C18orf54: variants seen among roughly 807,000 people sequenced by gnomAD.
The protein encoded by C18orf54 is lung adenoma susceptibility protein 2.
Under a neutral mutation model 49.3 loss-of-function variants are expected in C18orf54, and 49 were observed. The observed-to-expected ratio is 0.99, with a 90% CI of 0.79 to 1.26. The LOEUF is 1.26. C18orf54 is among the 50% of genes most tolerant of loss of function. C18orf54 has a pLI of 0.00. For synonymous variants in C18orf54, 211 were observed against 216.6 expected, an observed-to-expected ratio of 0.97 and a Z score of 0.23; for missense variants, 687 against 620.6, an observed-to-expected ratio of 1.11 and a Z score of -1.14.
chr18:54,361,319 C>T (rs1165802161), intron 3 of C18orf54, among the ~76,000 whole-genome samples: 1 of 152,018 alleles, frequency 6.6e-6, no homozygotes, highest in African/African-American at 2.4e-5. Flanking sequence ...ATGCTGCAAC[C>T]AATATTGAGT....
Position 54,361,691 on chromosome 18 carries a change from G to A in C18orf54, c.332G>A (p.Arg111Lys). ...HKKHSNFISC[R>K]RHTVNDIDSM... ...AAGCACTCAAACTTCATATCCTGTA[G>A]AAGACACACCGTTAATGACATAGAC... The change falls in exon 4 of 9, where the codon AGA (arginine) becomes AAA (lysine). Residue 111 changes from arginine (R) to lysine (K), a missense_variant. Coordinates refer to ENST00000620105, the MANE Select transcript of C18orf54 (RefSeq NM_001288980.2). 6.2e-7 allele frequency: 1 copy of A among 1,612,688 alleles called. No homozygotes were observed. The highest frequency in any genetic ancestry group is 1.1e-5 in the South Asian group (1 of 90,570).
Position 54,381,011 on chromosome 18 carries a change from G to C in C18orf54, c.*2765G>C, listed in dbSNP as rs192137614. ...GAGCACTTGAAGTTTCTTCAAATGTGCAAGACTGTGTGTCTTCCTATTAGA... is the reference window on the plus strand; with the variant it reads ...GAGCACTTGAAGTTTCTTCAAATGTCCAAGACTGTGTGTCTTCCTATTAGA... On this transcript the variant is annotated 3_prime_UTR_variant, in exon 9 of 9. Transcript: ENST00000620105. 17 of 152,210 alleles carry C rather than the reference G, an allele frequency of 1.1e-4. No individual in the cohort carries two copies. The highest frequency in any genetic ancestry group is 2.2e-4 in the African/African-American group (9 of 41,558). 9.4% of individuals were successfully genotyped at this position (152,210 alleles called of 1,614,324 possible).
rs753954652 is a variant in C18orf54 at position 54,362,048 on chromosome 18, AAC to A, written c.693_694del (p.His231GlnfsTer3). 1 of 1,568,194 alleles carries A rather than the reference AAC, an allele frequency of 6.4e-7. No homozygotes were observed. The highest frequency in any genetic ancestry group is 8.6e-7 in the Non-Finnish European group (1 of 1,157,448). On this transcript the variant is annotated frameshift_variant, in exon 4 of 9. Coordinates refer to ENST00000620105, the MANE Select transcript of C18orf54 (RefSeq NM_001288980.2). LOFTEE classifies it high-confidence loss of function. The stretch of plus-strand genomic sequence containing the variant: ...AAATCGTCTTTCAAGGACAGTTCAG[AAC>A]ACAGTCTTGAAAAGAATTACCCAAG...
At chr18:54,367,196 T>G (rs955362844) in intron 6 of C18orf54, among the ~76,000 whole-genome samples, 2 of 152,164 alleles carry the variant, frequency 1.3e-5, no homozygotes, top group Non-Finnish European at 2.9e-5. Flanking sequence ...TCCTGTCATT[T>G]TGTTTACTGT....
chr18:54,372,349 C>T (rs1410719631), intron 6 of C18orf54, 117 bp from the exon 7 acceptor site: 1 of 991,992 alleles, frequency 1.0e-6, no homozygotes, highest in East Asian at 2.8e-5. Flanking sequence ...ACTTTATTGA[C>T]ATACATTGTT....
intron 5 of C18orf54, among the ~76,000 whole-genome samples, 190 bp from the exon 6 acceptor site, chr18:54,365,529 G>T (rs1159556595): frequency 1.3e-5 from 2 of 151,776 alleles, no homozygotes; most frequent in African/African-American, 4.8e-5. Flanking sequence ...GATAAGAAGG[G>T]GTTGGATTCT....
At chr18:54,377,015 G>GT (rs34791747) in intron 8 of C18orf54, among the ~76,000 whole-genome samples, 111,566 of 150,310 alleles carry the variant, frequency 0.74, 41,821 homozygotes, top group African/African-American at 0.86. Flanking sequence ...CACAGCTTAT[G>GT]TTTTTTTTTT....
intron 6 of C18orf54, among the ~76,000 whole-genome samples, chr18:54,367,206 T>C (rs929710980): frequency 6.6e-6 from 1 of 152,170 alleles, no homozygotes; most frequent in Non-Finnish European, 1.5e-5. Flanking sequence ...TTGTTTACTG[T>C]ACTCTGGTCA....
chr18:54,378,003 A>T (rs551773905), intron 8 of C18orf54, among the ~76,000 whole-genome samples, 171 bp from the exon 9 acceptor site: 1 of 152,188 alleles, frequency 6.6e-6, no homozygotes, highest in African/African-American at 2.4e-5. Context: ...TTAACCCTCA[A>T]TTATTCAGAT....
At chr18:54,369,169 T>C (rs1734627802) in intron 6 of C18orf54, among the ~76,000 whole-genome samples, 3 of 152,180 alleles carry the variant, frequency 2.0e-5, no homozygotes, top group Non-Finnish European at 4.4e-5. Flanking sequence ...CATATGTACA[T>C]TTCTTTATCT....
intron 8 of C18orf54, among the ~76,000 whole-genome samples, chr18:54,374,749 T>G (rs2089542707): frequency 6.6e-6 from 1 of 151,860 alleles, no homozygotes; most frequent in South Asian, 2.1e-4. Flanking sequence ...AATAATAAAA[T>G]GGAGAAAAAT....
intron 7 of C18orf54, 126 bp downstream of exon 7, chr18:54,372,723 T>C: frequency 1.2e-6 from 1 of 850,646 alleles, no homozygotes. Context: ...ATGTTGTAAG[T>C]GGCAGTAGTT....
chr18:54,363,577 A>C (rs1339192534), intron 5 of C18orf54, among the ~76,000 whole-genome samples: 1 of 152,054 alleles, frequency 6.6e-6, no homozygotes, highest in Non-Finnish European at 1.5e-5. Context: ...CTGCCTCCCA[A>C]AGTGCTGGGA....
chr18:54,358,723 C>A (rs2089199802), intron 1 of C18orf54, 51 bp from the exon 2 acceptor site: 1 of 152,184 alleles, frequency 6.6e-6, no homozygotes, highest in Non-Finnish European at 1.5e-5. Flanking sequence ...ATTTCCTGTG[C>A]GATATTCCCA....
intron 2 of C18orf54, among the ~76,000 whole-genome samples, chr18:54,360,163 A>G (rs145644447): frequency 1.5e-4 from 23 of 152,318 alleles, no homozygotes; most frequent in African/African-American, 4.3e-4. Context: ...ATAGGGGAAT[A>G]TTAGGTATTG....
intron 8 of C18orf54, among the ~76,000 whole-genome samples, chr18:54,375,137 G>A (rs972530785): frequency 2.0e-5 from 3 of 151,788 alleles, no homozygotes; most frequent in Non-Finnish European, 4.4e-5. Context: ...CATAGTACTG[G>A]GGTATAATGT....
chr18:54,372,486 C>A lies in C18orf54; in HGVS notation c.1347C>A (p.Gly449=). 6.2e-7 allele frequency: 1 copy of A among 1,608,966 alleles called. No homozygotes were observed. ...CTTAGAGCTGTACTCTCTCTGGAGG[C>A]AAACATCATGGTCCTGTTGAAGCCC... The part of the protein sequence containing the change: ...NDNQSCTLSG[G]KHHGPVEALK... Residue 449 remains glycine, a synonymous_variant, in exon 7 of 9, where the codon GGC becomes GGA. Coordinates refer to ENST00000620105, the MANE Select transcript of C18orf54 (RefSeq NM_001288980.2).
intron 6 of C18orf54, among the ~76,000 whole-genome samples, chr18:54,366,952 G>C (rs1238773358): frequency 2.0e-5 from 3 of 152,040 alleles, no homozygotes; most frequent in African/African-American, 2.4e-5. Context: ...GACTTAGTCT[G>C]ATTTGTCTCG....
At chr18:54,373,790 A>G (rs2089527522) in intron 7 of C18orf54, among the ~76,000 whole-genome samples, 1 of 151,820 alleles carries the variant, frequency 6.6e-6, no homozygotes, top group Admixed American at 6.6e-5. Context: ...TTTCATTACA[A>G]GTGAGTGGAT....
Sources: allele counts gnomAD v4.1 joint callset (sites outside exome capture counted in the v4.1 genomes callset), GRCh38; gene constraint gnomAD v4.1.1; transcripts MANE v1.5; gene names NCBI Gene and HGNC (gene_info 2026-07-23, HGNC 2026-07-21).